The following ENDOU variants were observed in gnomAD, a reference collection of about 807,000 sequenced individuals.
The protein encoded by ENDOU is endonuclease, poly(U) specific, also known as uridylate-specific endoribonuclease.
Under a neutral mutation model 54.2 loss-of-function variants are expected in ENDOU, and 49 were observed. That is an observed-to-expected ratio of 0.90 (90% CI 0.72 to 1.15). ENDOU has a LOEUF of 1.15. ENDOU is among the 50% of genes most tolerant of loss of function. The probability of loss-of-function intolerance (pLI) is 0.00; values close to 1 mark genes in which losing one functional copy is unlikely to be tolerated. For missense variants in ENDOU, 458 were observed against 511.4 expected, an observed-to-expected ratio of 0.90 and a Z score of 1.01; for synonymous variants, 172 against 190.5, an observed-to-expected ratio of 0.90 and a Z score of 0.80.
chr12:47,712,381 G>A, intron 8 of ENDOU, 135 bp downstream of exon 8: 2 of 659,634 alleles, frequency 3.0e-6, no homozygotes, highest in East Asian at 2.7e-5. Context: ...TGTCTAGCAG[G>A]TGAGGACGTG....
chr12:47,712,391 G>T, intron 8 of ENDOU, 125 bp downstream of exon 8: 1 of 698,320 alleles, frequency 1.4e-6, no homozygotes, highest in Non-Finnish European at 2.5e-6. Flanking sequence ...GTGAGGACGT[G>T]ATAGTCACAA....
rs1940228917 is a variant in ENDOU, at chr12:47,716,280, G to A, written c.751+20C>T. ...CTCAGACAGACTCATGCGCTCTGGG[G>A]CCTGGGGGTGCTCACTCACTCTGGT... On this transcript the variant is annotated intron_variant, in intron 6 of 9. Coordinates refer to ENST00000422538, the MANE Select transcript of ENDOU (RefSeq NM_001172439.2). The A allele has an allele frequency of 6.2e-7, 1 of 1,612,642 alleles. No homozygotes were observed. The highest frequency in any genetic ancestry group is 1.7e-5 in the Admixed American group (1 of 60,010).
rs1043262763 is a variant in ENDOU, at chr12:47,710,347, C to G, written c.*455G>C. On this transcript the variant is annotated 3_prime_UTR_variant, in exon 10 of 10. Transcript: ENST00000422538. ...CATTATAGTAATCTTGAATTTCTATCAGCTGTTCTTCCTAAGAACAACTGA... is the reference window on the plus strand; with the variant it reads ...CATTATAGTAATCTTGAATTTCTATGAGCTGTTCTTCCTAAGAACAACTGA... The G allele has an allele frequency of 6.5e-6, 1 of 153,712 alleles. No individual in the cohort carries two copies. The highest frequency in any genetic ancestry group is 2.4e-5 in the African/African-American group (1 of 41,468). The allele number at this position is 153,712 out of a possible 1,614,324, so 9.5% of individuals were successfully genotyped here. A position where few individuals can be genotyped will look rare whatever the true frequency, so the allele number is the denominator to read the frequency against.
In ENDOU at chr12:47,713,355, T is replaced by C. The variant is rs1199187805; in HGVS notation, c.785A>G (p.Asp262Gly). Reference sequence around the variant, plus strand: ...GAGCCCAAACCACATGTTCTTCAAGTCATCGACAAACTCTTGCTCTGAGCC... The same window carrying C: ...GAGCCCAAACCACATGTTCTTCAAGCCATCGACAAACTCTTGCTCTGAGCC... The part of the protein sequence containing the change: ...RYGSEQEFVD[D>G]LKNMWFGLYS... The change falls in exon 7 of 10, where the codon GAC (aspartate) becomes GGC (glycine). Residue 262 changes from aspartate to glycine, a missense_variant. Asp to Gly is a moderately conservative substitution (Grantham distance 94). Transcript: ENST00000422538. 3.7e-6 allele frequency: 6 copies of C among 1,613,914 alleles called. No homozygotes were observed. Among genetic ancestry groups the C allele is most frequent in the Non-Finnish European group, 5.1e-6 (6 of 1,179,982 alleles).
chr12:47,713,134 TGGGCA>T (rs1940093976), intron 7 of ENDOU, 136 bp downstream of exon 7: 3 of 617,886 alleles, frequency 4.9e-6, no homozygotes, highest in Non-Finnish European at 5.7e-6. Flanking sequence ...CCCTGCCATA[TGGGCA>T]GGGGAGAGTG....
chr12:47,723,056 A>G (rs1940482920), intron 1 of ENDOU, among the ~76,000 whole-genome samples: 2 of 152,212 alleles, frequency 1.3e-5, no homozygotes, highest in Admixed American at 1.3e-4. Context: ...AATGTTTTTA[A>G]TGGGCCAAAT....
rs2136661642 is a variant in ENDOU at position 47,710,611 on chromosome 12, G to C, written c.*191C>G. 1 of 562,184 alleles carries C rather than the reference G, an allele frequency of 1.8e-6. No homozygotes were observed. The allele number at this position is 562,184 out of a possible 1,614,324, so 34.8% of individuals were successfully genotyped here. A position where few individuals can be genotyped will look rare whatever the true frequency, so the allele number is the denominator to read the frequency against. ...AATTCTAGAGGATAAAGGTTTGACT[G>C]TTTATCCACATTTTTCTAATTTGTA... On this transcript the variant is annotated 3_prime_UTR_variant, in exon 10 of 10. Transcript: ENST00000422538.
chr12:47,719,495 C>G (rs533173460), intron 2 of ENDOU: 1 of 152,094 alleles, frequency 6.6e-6, no homozygotes, highest in South Asian at 2.1e-4. Flanking sequence ...CCATGTGTCA[C>G]GGGAGGGACC....
chr12:47,722,202 G>A (rs1444462307), intron 1 of ENDOU, among the ~76,000 whole-genome samples: 1 of 152,112 alleles, frequency 6.6e-6, no homozygotes, highest in Non-Finnish European at 1.5e-5. Context: ...GTGGGTTAGA[G>A]CTTAAATATT....
At chr12:47,712,745 C>A (rs1419899591) in intron 7 of ENDOU, 123 bp from the exon 8 acceptor site, 1 of 713,186 alleles carries the variant, frequency 1.4e-6, no homozygotes, top group East Asian at 2.7e-5. Context: ...GCTGCTTGAC[C>A]CCTTGCTGTG....
chr12:47,716,973 G>A lies in ENDOU; in HGVS notation c.468C>T (p.Ala156=), dbSNP rs552039530. 2 of 1,614,096 alleles carry A rather than the reference G, an allele frequency of 1.2e-6. No homozygotes were observed. Among genetic ancestry groups the A allele is most frequent in the Non-Finnish European group, 1.7e-6 (2 of 1,179,974 alleles). The change falls in exon 5 of 10, where the codon GCC becomes GCT. Residue 156 remains alanine (A), a synonymous_variant. Coordinates refer to ENST00000422538, the MANE Select transcript of ENDOU (RefSeq NM_001172439.2). ...EKIYRADTNK[A]QKEDIVLNSQ... ...TATTGAGAACGATGTCTTCCTTCTGGGCTTTGTTGGTGTCTGCCCTGTAGA... is the reference window on the plus strand; with the variant it reads ...TATTGAGAACGATGTCTTCCTTCTGAGCTTTGTTGGTGTCTGCCCTGTAGA...
At chr12:47,713,535 AT>A in intron 6 of ENDOU, 147 bp from the exon 7 acceptor site, 1 of 625,490 alleles carries the variant, frequency 1.6e-6, no homozygotes, top group East Asian at 2.7e-5. Flanking sequence ...TAATTCAATG[AT>A]TATCTATGGG....
intron 6 of ENDOU, among the ~76,000 whole-genome samples, chr12:47,714,976 C>A (rs1038460970): frequency 6.6e-6 from 1 of 152,174 alleles, no homozygotes; most frequent in African/African-American, 2.4e-5. Flanking sequence ...TGAATAGTTC[C>A]CCTTACTGAG....
intron 1 of ENDOU, among the ~76,000 whole-genome samples, chr12:47,723,735 T>G (rs1940504494): frequency 6.6e-6 from 1 of 152,118 alleles, no homozygotes; most frequent in Admixed American, 6.5e-5. Flanking sequence ...GACTGGGACA[T>G]CCTACACATC....
At chr12:47,717,095 G>A (rs921882273) in intron 4 of ENDOU, 37 bp from the exon 5 acceptor site, 1 of 1,598,048 alleles carries the variant, frequency 6.3e-7, no homozygotes, top group African/African-American at 1.3e-5. Flanking sequence ...CTCAGAGCCA[G>A]AGGGAAAGGG....
At chr12:47,717,472 A>C in intron 4 of ENDOU, 46 bp downstream of exon 4, 1 of 1,601,004 alleles carries the variant, frequency 6.2e-7, no homozygotes, top group Non-Finnish European at 8.5e-7. Context: ...ACCTGCTCTA[A>C]AGTCCTTCTG....
chr12:47,716,783 C>A, intron 5 of ENDOU, 107 bp downstream of exon 5: 1 of 1,169,272 alleles, frequency 8.6e-7, no homozygotes, highest in Non-Finnish European at 1.2e-6. Flanking sequence ...TTTTTTTCTG[C>A]TCTCCCTTTG....
chr12:47,713,859 C>T (rs1361513243), intron 6 of ENDOU, among the ~76,000 whole-genome samples: 1 of 151,908 alleles, frequency 6.6e-6, no homozygotes, highest in Non-Finnish European at 1.5e-5. Context: ...AAGATTCCTC[C>T]ATGTAGAGGG....
chr12:47,713,496 G>A lies in ENDOU; in HGVS notation c.752-108C>T, dbSNP rs115126027. The A allele has an allele frequency of 1.3e-3, 930 of 726,934 alleles. 4 individuals carry two copies. The African/African-American group carries it at 0.015, about 12-fold the overall frequency. 45.0% of individuals were successfully genotyped at this position (726,934 alleles called of 1,614,324 possible). A position where few individuals can be genotyped will look rare whatever the true frequency, so the allele number is the denominator to read the frequency against. On this transcript the variant is annotated intron_variant, in intron 6 of 9. Coordinates refer to ENST00000422538, the MANE Select transcript of ENDOU (RefSeq NM_001172439.2). ...TGCTCCCACACGTCAAGAAACATGT[G>A]GGTTCAATCAACAAATGTGTTCGGC...
Sources: gnomAD v4.1 joint callset for allele counts (sites outside exome capture counted in the v4.1 genomes callset) on GRCh38, gnomAD v4.1.1 for gene constraint, MANE v1.5 for transcripts, NCBI Gene and HGNC (gene_info 2026-07-23, HGNC 2026-07-21) for gene names.